Variants in ITCH observed in about 807,000 individuals in gnomAD.
The protein encoded by ITCH is itchy E3 ubiquitin protein ligase, also known as E3 ubiquitin-protein ligase Itchy homolog.
In ITCH, 28 loss-of-function variants were observed where a neutral mutation model predicts 126.8. The observed-to-expected ratio is 0.22, with a 90% CI of 0.16 to 0.30. ITCH has a LOEUF of 0.30. Ranked by LOEUF, ITCH falls within the 10% of genes least tolerant of loss-of-function variation. The pLI is 1.00. For missense variants in ITCH, 631 were observed against 1,032.4 expected, an observed-to-expected ratio of 0.61 and a Z score of 5.33; for synonymous variants, 342 against 340.0, an observed-to-expected ratio of 1.01 and a Z score of -0.06.
chr20:34,456,823 C>G (rs1986051523), intron 12 of ITCH, among the ~76,000 whole-genome samples: 1 of 151,522 alleles, frequency 6.6e-6, no homozygotes, highest in Admixed American at 6.6e-5. Flanking sequence ...CTCAAGCAAT[C>G]TACTTGCCTT....
At chr20:34,416,649 A>C (rs560065138) in intron 6 of ITCH, among the ~76,000 whole-genome samples, 23 of 152,218 alleles carry the variant, frequency 1.5e-4, no homozygotes, top group African/African-American at 5.5e-4. Flanking sequence ...TTGGTGGATA[A>C]ATTTTCTAAA....
intron 20 of ITCH, among the ~76,000 whole-genome samples, chr20:34,489,063 A>G (rs1247044870): frequency 6.6e-6 from 1 of 152,230 alleles, no homozygotes; most frequent in African/African-American, 2.4e-5. Context: ...ATGAAATTAT[A>G]TGATATCTAG....
In ITCH at chr20:34,433,213, C is replaced by G. The variant is rs183668293; in HGVS notation, c.522-5261C>G. On this transcript the variant is annotated intron_variant, in intron 7 of 24. Coordinates refer to ENST00000374864, the MANE Select transcript of ITCH (RefSeq NM_031483.7). The stretch of plus-strand genomic sequence containing the variant: ...GCTGAGGCTGGAGAATCGCTTGAAC[C>G]CGGGAGGCGGAGGTTGCAGTGAGCC... Among the ~76,000 whole-genome samples, 25 of 152,294 alleles carry G rather than the reference C, an allele frequency of 1.6e-4. No homozygotes were observed. The East Asian group carries it at 4.8e-3, about 29-fold the overall frequency.
intron 23 of ITCH, among the ~76,000 whole-genome samples, chr20:34,502,366 C>T (rs1004697920): frequency 6.6e-6 from 1 of 150,862 alleles, no homozygotes; most frequent in African/African-American, 2.4e-5. Flanking sequence ...TGCACTTAAG[C>T]ATGGGCAACA....
At chr20:34,387,619 C>CA (rs771355212) in intron 2 of ITCH, among the ~76,000 whole-genome samples, 1,121 of 86,478 alleles carry the variant, frequency 0.013, 10 homozygotes, top group African/African-American at 0.031. Context: ...GACCCTGTCT[C>CA]AAAAAAAAAA....
At chr20:34,465,844 T>C (rs1987003661) in intron 14 of ITCH, among the ~76,000 whole-genome samples, 1 of 152,146 alleles carries the variant, frequency 6.6e-6, no homozygotes, top group African/African-American at 2.4e-5. Context: ...AGATCTTAGC[T>C]TCTGAAAACA....
At chr20:34,419,728 C>T (rs966056482) in intron 6 of ITCH, among the ~76,000 whole-genome samples, 19 of 152,130 alleles carry the variant, frequency 1.2e-4, no homozygotes, top group East Asian at 9.6e-4. Context: ...TATCTCCGCT[C>T]GCTGCAAGCT....
chr20:34,475,402 C>T (rs1165526608), intron 16 of ITCH, among the ~76,000 whole-genome samples: 3 of 152,196 alleles, frequency 2.0e-5, no homozygotes, highest in Non-Finnish European at 4.4e-5. Flanking sequence ...TCTGCAATCC[C>T]GGCACCTCGG....
intron 1 of ITCH, among the ~76,000 whole-genome samples, chr20:34,365,831 G>A (rs2037401827): frequency 6.6e-6 from 1 of 152,190 alleles, no homozygotes; most frequent in Admixed American, 6.6e-5. Context: ...TTCTGAGATG[G>A]ATTTAGTAGG....
intron 3 of ITCH, among the ~76,000 whole-genome samples, chr20:34,403,000 C>G (rs2038939008): frequency 6.6e-6 from 1 of 151,980 alleles, no homozygotes; most frequent in Non-Finnish European, 1.5e-5. Flanking sequence ...AAAAAGATCC[C>G]TTATACTTAT....
At chr20:34,385,619 A>G (rs1244101118) in intron 2 of ITCH, among the ~76,000 whole-genome samples, 1 of 152,198 alleles carries the variant, frequency 6.6e-6, no homozygotes, top group African/African-American at 2.4e-5. Context: ...TTAGGTACAG[A>G]GTTCAAACCA....
At chr20:34,433,665 A>AC (rs1264200884) in intron 7 of ITCH, among the ~76,000 whole-genome samples, 2 of 151,916 alleles carry the variant, frequency 1.3e-5, no homozygotes, top group Non-Finnish European at 2.9e-5. Flanking sequence ...TCAAAAAAAA[A>AC]AAAAAAACCC....
chr20:34,371,167 CA>C (rs1213462396), intron 2 of ITCH, among the ~76,000 whole-genome samples: 1,836 of 58,616 alleles, frequency 0.031, 10 homozygotes, highest in African/African-American at 0.069. Context: ...GACTCCGTCT[CA>C]AAAAAAAAAA....
chr20:34,447,717 G>A (rs992122948), intron 11 of ITCH, among the ~76,000 whole-genome samples: 3 of 152,142 alleles, frequency 2.0e-5, no homozygotes, highest in Non-Finnish European at 4.4e-5. Context: ...AGTGTTTCCC[G>A]CTGGCCTCCC....
At chr20:34,402,386 CAA>C (rs2038917453) in intron 3 of ITCH, 4 of 799,240 alleles carry the variant, frequency 5.0e-6, no homozygotes, top group Non-Finnish European at 9.1e-6. Flanking sequence ...TGGGTCCCAA[CAA>C]GCAACAAAGG....
At chr20:34,477,917 A>C in intron 17 of ITCH, 57 bp downstream of exon 17, 1 of 1,603,452 alleles carries the variant, frequency 6.2e-7, no homozygotes, top group Non-Finnish European at 8.5e-7. Flanking sequence ...GTACCATTGC[A>C]CTTCGCTTGC....
At chr20:34,435,539 C>G (rs1475654155) in intron 7 of ITCH, among the ~76,000 whole-genome samples, 1 of 152,080 alleles carries the variant, frequency 6.6e-6, no homozygotes, top group Non-Finnish European at 1.5e-5. Context: ...AAACCTCTGA[C>G]CTTTTCTTTA....
intron 13 of ITCH, among the ~76,000 whole-genome samples, chr20:34,459,898 C>T (rs906612788): frequency 2.6e-5 from 4 of 152,132 alleles, no homozygotes; most frequent in Non-Finnish European, 5.9e-5. Flanking sequence ...TCATAGATAA[C>T]ATTTTCTTCC....
At chr20:34,452,069 C>CAAAA (rs765697780) in intron 12 of ITCH, among the ~76,000 whole-genome samples, 3 of 53,308 alleles carry the variant, frequency 5.6e-5, no homozygotes, top group Admixed American at 3.9e-4. Flanking sequence ...GACCCTGTCT[C>CAAAA]AAAAAAAAAA....
Sources: allele counts gnomAD v4.1 joint callset (sites outside exome capture counted in the v4.1 genomes callset), GRCh38; gene constraint gnomAD v4.1.1; transcripts MANE v1.5; gene names NCBI Gene and HGNC (gene_info 2026-07-23, HGNC 2026-07-21).